Variants in CAPN13 observed in about 807,000 individuals in gnomAD.
CAPN13 encodes calpain 13.
In CAPN13, 90 loss-of-function variants were observed where a neutral mutation model predicts 98.4. That is an observed-to-expected ratio of 0.92 (90% confidence interval 0.77 to 1.09). CAPN13 has a LOEUF of 1.09. CAPN13 is among the 50% of genes least tolerant of loss of function. The pLI, the probability that CAPN13 is intolerant of heterozygous loss-of-function variation, is 0.00. For synonymous variants in CAPN13, 330 were observed against 305.5 expected, an observed-to-expected ratio of 1.08 and a Z score of -0.84; for missense variants, 887 against 841.3, an observed-to-expected ratio of 1.05 and a Z score of -0.67.
At chr2:30,788,794 G>A (rs1474022858) in intron 1 of CAPN13, among the ~76,000 whole-genome samples, 30 of 152,174 alleles carry the variant, frequency 2.0e-4, no homozygotes, top group Non-Finnish European at 1.5e-5. Flanking sequence ...TATTTAGATA[G>A]CACAAATTCA....
intron 1 of CAPN13, among the ~76,000 whole-genome samples, chr2:30,797,343 A>G (rs1674938134): frequency 6.6e-6 from 1 of 152,194 alleles, no homozygotes; most frequent in Non-Finnish European, 1.5e-5. Context: ...TCTTAAGGAA[A>G]AAGGAAAAAG....
intron 22 of CAPN13, 100 bp downstream of exon 22, chr2:30,730,630 G>A (rs1422338628): frequency 1.5e-6 from 1 of 682,760 alleles, no homozygotes; most frequent in African/African-American, 1.8e-5. Context: ...GTCATCCCTG[G>A]GGAGGCTCTC....
At position 30,741,700 on chromosome 2, in the gene CAPN13, C is replaced by G. The variant is rs189026478; in HGVS notation, c.1536+208G>C. 2.8e-5 allele frequency: 39 copies of G among 1,416,024 alleles called. 2 individuals are homozygous for G. In the Admixed American group the frequency reaches 1.1e-3, roughly 40 times the overall value. 87.7% of individuals were successfully genotyped at this position (1,416,024 alleles called of 1,614,324 possible). On this transcript the variant is annotated intron_variant, in intron 15 of 22. Transcript: ENST00000295055. Reference sequence around the variant, plus strand: ...AGCTCTGCATTCCAGCTTGAAGTCCCCCGGATGACACTGGGTGGGGCGCCA... The same window carrying G: ...AGCTCTGCATTCCAGCTTGAAGTCCGCCGGATGACACTGGGTGGGGCGCCA...
intron 6 of CAPN13, among the ~76,000 whole-genome samples, 164 bp downstream of exon 6, chr2:30,763,968 C>T (rs929410392): frequency 3.3e-5 from 5 of 152,206 alleles, no homozygotes; most frequent in African/African-American, 1.2e-4. Flanking sequence ...GTCTTAGAGG[C>T]AGGCTACTGC....
In CAPN13 at chr2:30,799,947, G is replaced by A. The variant is rs1410448192; in HGVS notation, c.-33+7355C>T. The stretch of plus-strand genomic sequence containing the variant: ...AAATTAGCCAGGTGTGGTGGCAGAC[G>A]CCTGCAGTCCCAGCTACTCGGGAGA... On this transcript the variant is annotated intron_variant, in intron 1 of 22. Transcript: ENST00000295055. Among the ~76,000 whole-genome samples the A allele has an allele frequency of 5.9e-5, 9 of 151,868 alleles. No individual in the cohort carries two copies. In the South Asian group the frequency reaches 6.2e-4, roughly 11 times the overall value.
At chr2:30,792,522 T>C (rs1012939187) in intron 1 of CAPN13, among the ~76,000 whole-genome samples, 12 of 151,898 alleles carry the variant, frequency 7.9e-5, no homozygotes, top group African/African-American at 2.9e-4. Context: ...AAACAGAAAA[T>C]CTGAATAATG....
Position 30,730,691 on chromosome 2 carries a change from C to T in CAPN13, c.*30+39G>A. 3 of 777,724 alleles carry T rather than the reference C, an allele frequency of 3.9e-6. No individual in the cohort carries two copies. The East Asian group carries it at 7.3e-5, about 19-fold the overall frequency. 48.2% of individuals were successfully genotyped at this position (777,724 alleles called of 1,614,324 possible). A position where few individuals can be genotyped will look rare whatever the true frequency, so the allele number is the denominator to read the frequency against. Reference sequence around the variant, plus strand: ...TCTTAGAGGGGAAGGAGGACTCATGCTCCCAGGAGGGAAAGACTCCAAAGC... The same window carrying T: ...TCTTAGAGGGGAAGGAGGACTCATGTTCCCAGGAGGGAAAGACTCCAAAGC... On this transcript the variant is annotated intron_variant, in intron 22 of 22. Coordinates refer to ENST00000295055, the MANE Select transcript of CAPN13 (RefSeq NM_144575.3).
At chr2:30,799,798 G>A (rs1319607564) in intron 1 of CAPN13, among the ~76,000 whole-genome samples, 1 of 152,172 alleles carries the variant, frequency 6.6e-6, no homozygotes, top group African/African-American at 2.4e-5. Flanking sequence ...ACAGGGCCAG[G>A]CGCAGTGGTT....
chr2:30,759,152 T>C (rs1427557240), intron 7 of CAPN13, among the ~76,000 whole-genome samples: 2 of 133,380 alleles, frequency 1.5e-5, no homozygotes, highest in Admixed American at 1.5e-4. Context: ...TTCCCCTTCC[T>C]TTTTTCCTCC....
chr2:30,774,458 C>T (rs1190030116), intron 4 of CAPN13, among the ~76,000 whole-genome samples: 1 of 152,090 alleles, frequency 6.6e-6, no homozygotes, highest in Non-Finnish European at 1.5e-5. Flanking sequence ...AGTAAAAATA[C>T]AGCACAGATT....
At chr2:30,759,645 T>C (rs1040592889) in intron 7 of CAPN13, among the ~76,000 whole-genome samples, 29 of 152,310 alleles carry the variant, frequency 1.9e-4, no homozygotes, top group Non-Finnish European at 3.7e-4. Flanking sequence ...TGCGGGCTGA[T>C]GTGCGCTAAG....
chr2:30,794,501 T>A (rs1674757547), intron 1 of CAPN13, among the ~76,000 whole-genome samples: 1 of 151,916 alleles, frequency 6.6e-6, no homozygotes, highest in South Asian at 2.1e-4. Flanking sequence ...TTTCCTAAAA[T>A]GTTAAAACAT....
intron 2 of CAPN13, among the ~76,000 whole-genome samples, chr2:30,782,842 C>T (rs956566852): frequency 3.3e-5 from 5 of 152,200 alleles, no homozygotes; most frequent in African/African-American, 1.2e-4. Flanking sequence ...TGTCTACCAT[C>T]GTGTACTGTC....
chr2:30,792,207 G>A (rs79401270), intron 1 of CAPN13, among the ~76,000 whole-genome samples: 5 of 151,840 alleles, frequency 3.3e-5, no homozygotes, highest in African/African-American at 7.3e-5. Flanking sequence ...AACAGAAGAC[G>A]GATAAGAGCA....
Position 30,745,714 on chromosome 2 carries a change from G to T in CAPN13, c.1248+9C>A. ...AGAGGCGCAGGGCAAGGACGACGCT[G>T]AGCCATACCTGTGAGCCAGCCTGTT... On this transcript the variant is annotated intron_variant, in intron 12 of 22. Coordinates refer to ENST00000295055, the MANE Select transcript of CAPN13 (RefSeq NM_144575.3). 1.3e-6 allele frequency: 2 copies of T among 1,596,722 alleles called. No individual in the cohort carries two copies. Among genetic ancestry groups the T allele is most frequent in the Non-Finnish European group, 1.7e-6 (2 of 1,179,036 alleles).
intron 1 of CAPN13, among the ~76,000 whole-genome samples, chr2:30,788,164 T>C (rs75588353): frequency 9.3e-4 from 142 of 152,310 alleles, no homozygotes; most frequent in African/African-American, 3.3e-3. Context: ...CTTTCTGCTT[T>C]CATCAGCTAC....
intron 19 of CAPN13, among the ~76,000 whole-genome samples, chr2:30,733,750 G>A (rs1671216618): frequency 1.3e-5 from 2 of 152,212 alleles, no homozygotes; most frequent in African/African-American, 4.8e-5. Context: ...GGATGATGGA[G>A]ACTATCCTTC....
Position 30,803,889 on chromosome 2 carries a change from A to G in CAPN13, c.-33+3413T>C, listed in dbSNP as rs114898103. On this transcript the variant is annotated intron_variant, in intron 1 of 22. Transcript: ENST00000295055. ...TGGGGATTGCCTTGTTCACCTCTCT[A>G]TTATTGAGACAAGGAAACAGGCTTA... Among the ~76,000 whole-genome samples, 307 of 152,232 alleles carry G rather than the reference A, an allele frequency of 2.0e-3. 1 individual carries two copies. Among genetic ancestry groups the G allele is most frequent in the Admixed American group, 3.7e-3 (56 of 15,294 alleles).
chr2:30,777,837 T>C (rs1673782105), intron 2 of CAPN13, among the ~76,000 whole-genome samples, 198 bp from the exon 3 acceptor site: 1 of 152,128 alleles, frequency 6.6e-6, no homozygotes, highest in South Asian at 2.1e-4. Context: ...TAAATGTAAC[T>C]GACAAGACAG....
Sources: allele counts gnomAD v4.1 joint callset (sites outside exome capture counted in the v4.1 genomes callset), GRCh38; gene constraint gnomAD v4.1.1; transcripts MANE v1.5; gene names NCBI Gene and HGNC (gene_info 2026-07-23, HGNC 2026-07-21).